The following FGFR2 variants were observed in gnomAD, a reference collection of about 807,000 sequenced individuals.
FGFR2 encodes fibroblast growth factor receptor 2.
In FGFR2, 19 loss-of-function variants were observed where a neutral mutation model predicts 95.9. The observed-to-expected ratio is 0.20, with a 90% CI of 0.14 to 0.29. FGFR2 has a LOEUF of 0.29. Ranked by LOEUF, FGFR2 falls within the 10% of genes least tolerant of loss-of-function variation. The pLI, the probability that FGFR2 is intolerant of heterozygous loss-of-function variation, is 1.00. For missense variants in FGFR2, 707 were observed against 1,056.9 expected, an observed-to-expected ratio of 0.67 and a Z score of 4.59; for synonymous variants, 392 against 393.3, an observed-to-expected ratio of 1.00 and a Z score of 0.04.
chr10:121,485,345 T>C lies in FGFR2; in HGVS notation c.2195+50A>G. The stretch of plus-strand genomic sequence containing the variant: ...CGAGATACATCAGGAGAGGTATTAC[T>C]GGTGTGGCAAGTCCACTGGGGCACC... On this transcript the variant is annotated intron_variant, in intron 16 of 17. Coordinates refer to ENST00000358487, the MANE Select transcript of FGFR2 (RefSeq NM_000141.5). This position sits in a 1 kb window ranked among gnomAD's most constrained non-coding sequence, Gnocchi z 4.2. 6.2e-7 allele frequency: 1 copy of C among 1,613,222 alleles called. No homozygotes were observed. Among genetic ancestry groups the C allele is most frequent in the Non-Finnish European group, 8.5e-7 (1 of 1,179,556 alleles).
rs1564841730 is a variant in FGFR2, at chr10:121,479,186, C to G, written c.*671G>C. The stretch of plus-strand genomic sequence containing the variant: ...CTGTGCTGCCTGCATAGAAATGCCA[C>G]TTAAATTACAAAAAAAACTATAAAT... On this transcript the variant is annotated 3_prime_UTR_variant, in exon 18 of 18. Coordinates refer to ENST00000358487, the MANE Select transcript of FGFR2 (RefSeq NM_000141.5). The G allele has an allele frequency of 4.3e-6, 1 of 232,750 alleles. No individual in the cohort carries two copies. Among genetic ancestry groups the G allele is most frequent in the Non-Finnish European group, 8.5e-6 (1 of 117,700 alleles). The allele number at this position is 232,750 out of a possible 1,614,324, so 14.4% of individuals were successfully genotyped here.
chr10:121,490,638 C>T (rs1846011515), intron 13 of FGFR2, among the ~76,000 whole-genome samples: 2 of 152,158 alleles, frequency 1.3e-5, no homozygotes, highest in Admixed American at 1.3e-4. Flanking sequence ...AAGCCTTTTA[C>T]ACTGGTTATT....
chr10:121,535,617 T>A (rs1414536883), intron 6 of FGFR2, among the ~76,000 whole-genome samples: 1 of 152,136 alleles, frequency 6.6e-6, no homozygotes, highest in East Asian at 1.9e-4. Context: ...GCTCGCCACC[T>A]CCCGGAGCCA....
At chr10:121,577,825 A>G (rs1231685041) in intron 2 of FGFR2, among the ~76,000 whole-genome samples, 1 of 151,972 alleles carries the variant, frequency 6.6e-6, no homozygotes, top group Non-Finnish European at 1.5e-5. Context: ...ATGTCTACAG[A>G]GGTCGTATCC....
chr10:121,507,026 G>C (rs1163970918), intron 9 of FGFR2, among the ~76,000 whole-genome samples: 1 of 152,092 alleles, frequency 6.6e-6, no homozygotes, highest in African/African-American at 2.4e-5. Flanking sequence ...CACTGCTTTC[G>C]GCCCTTCCTT....
intron 13 of FGFR2, among the ~76,000 whole-genome samples, chr10:121,488,750 T>C (rs985929696): frequency 4.6e-5 from 7 of 152,130 alleles, no homozygotes; most frequent in African/African-American, 7.2e-5. Context: ...GCCACACCAG[T>C]GTCTTTCTTT....
intron 6 of FGFR2, chr10:121,526,997 T>C (rs923850119): frequency 5.4e-6 from 2 of 370,288 alleles, no homozygotes; most frequent in African/African-American, 2.1e-5. Flanking sequence ...GTGTCCTCCC[T>C]CCAGCACTAA....
At chr10:121,491,411 T>C (rs993354618) in intron 13 of FGFR2, among the ~76,000 whole-genome samples, 1 of 152,110 alleles carries the variant, frequency 6.6e-6, no homozygotes, top group African/African-American at 2.4e-5. Context: ...TGGTGTTCCA[T>C]AGGTGAAGGT....
chr10:121,581,666 C>T (rs1230143532), intron 2 of FGFR2, among the ~76,000 whole-genome samples: 5 of 151,450 alleles, frequency 3.3e-5, no homozygotes, highest in Admixed American at 2.0e-4. Flanking sequence ...GTGGGAAGAC[C>T]GCTTGAGCCC....
intron 13 of FGFR2, among the ~76,000 whole-genome samples, chr10:121,495,212 T>G (rs1011475515): frequency 6.6e-6 from 1 of 152,100 alleles, no homozygotes; most frequent in East Asian, 1.9e-4. Context: ...CTGTGTTTAA[T>G]TAGTTTCCCA....
At chr10:121,528,341 A>G (rs1159317029) in intron 6 of FGFR2, among the ~76,000 whole-genome samples, 1 of 152,200 alleles carries the variant, frequency 6.6e-6, no homozygotes, top group Non-Finnish European at 1.5e-5. Flanking sequence ...TCTGCACAAC[A>G]ATCATATTGT....
At chr10:121,551,547 T>C in intron 4 of FGFR2, 88 bp from the exon 5 acceptor site, 1 of 1,161,586 alleles carries the variant, frequency 8.6e-7, no homozygotes, top group Non-Finnish European at 1.3e-6. Flanking sequence ...CATTTCGCTT[T>C]GCATGTAAAT....
intron 9 of FGFR2, among the ~76,000 whole-genome samples, chr10:121,514,222 T>C (rs1564907627): frequency 6.6e-6 from 1 of 152,238 alleles, no homozygotes; most frequent in Non-Finnish European, 1.5e-5. Flanking sequence ...AAGAAACCTT[T>C]ATCAGAACCA....
intron 6 of FGFR2, among the ~76,000 whole-genome samples, chr10:121,525,417 T>C (rs1851219337): frequency 6.6e-6 from 1 of 151,974 alleles, no homozygotes; most frequent in Admixed American, 6.6e-5. Context: ...AAAAATACAT[T>C]CTCTCCCAGC....
At chr10:121,539,687 C>T (rs1023489766) in intron 5 of FGFR2, among the ~76,000 whole-genome samples, 1 of 152,194 alleles carries the variant, frequency 6.6e-6, no homozygotes, top group Non-Finnish European at 1.5e-5. Context: ...AAAAAATAAA[C>T]AGTCAAGGCC....
chr10:121,496,182 T>C (rs1236353915), intron 13 of FGFR2, among the ~76,000 whole-genome samples: 1 of 139,770 alleles, frequency 7.2e-6, no homozygotes, highest in East Asian at 2.0e-4. Flanking sequence ...AAATGAAGCT[T>C]AAGAAAAAAA....
intron 5 of FGFR2, 86 bp from the exon 6 acceptor site, chr10:121,538,801 G>A (rs907355350): frequency 1.8e-5 from 28 of 1,574,304 alleles, no homozygotes; most frequent in Admixed American, 8.4e-5. Flanking sequence ...AAAAGAAGCT[G>A]AAGGAGGCAA....
In FGFR2 at chr10:121,506,357, C is replaced by CAAAAAAAAAAAAAAAA. The variant is rs10678814; in HGVS notation, c.1288-2432_1288-2417dup. Reference sequence around the variant, plus strand: ...TGGGCAACAGAGCAAGACTCCGTCTCAAAAAAAAAAAAAAAAAAAGAGGCC... The same window carrying CAAAAAAAAAAAAAAAA: ...TGGGCAACAGAGCAAGACTCCGTCTCAAAAAAAAAAAAAAAAAAAAAAAAAAAAAAAAAAAGAGGCC... On this transcript the variant is annotated intron_variant, in intron 9 of 17. Transcript: ENST00000358487. Among the ~76,000 whole-genome samples, 24 of 101,140 alleles carry CAAAAAAAAAAAAAAAA rather than the reference C, an allele frequency of 2.4e-4. 1 individual carries two copies. Among genetic ancestry groups the CAAAAAAAAAAAAAAAA allele is most frequent in the African/African-American group, 9.7e-4 (24 of 24,624 alleles). The allele number at this position is 101,140 out of a possible 152,430, so 66.4% of individuals were successfully genotyped here.
intron 4 of FGFR2, among the ~76,000 whole-genome samples, chr10:121,563,828 C>T (rs918505884): frequency 6.6e-6 from 1 of 152,206 alleles, no homozygotes; most frequent in Non-Finnish European, 1.5e-5. Context: ...CCCATGTTAG[C>T]GCTCAGTGTT....
Sources: gnomAD v4.1 joint callset for allele counts (sites outside exome capture counted in the v4.1 genomes callset) on GRCh38, gnomAD v4.1.1 for gene constraint, Gnocchi (gnomAD v3.1) non-coding constraint, MANE v1.5 for transcripts, NCBI Gene and HGNC (gene_info 2026-07-23, HGNC 2026-07-21) for gene names.